Variants in LRRC4C observed in about 807,000 individuals in gnomAD.
LRRC4C encodes leucine-rich repeat-containing protein 4C.
A neutral mutation model predicts 33.6 loss-of-function variants in LRRC4C; 5 were observed. The ratio of observed to expected loss-of-function variants is 0.15; its 90% CI spans 0.08 to 0.31. The LOEUF (loss-of-function observed/expected upper bound fraction) is 0.31, where lower values mean the gene tolerates loss of function less well. LRRC4C is among the 10% of genes least tolerant of loss of function. LRRC4C has a pLI of 1.00. For missense variants in LRRC4C, 560 were observed against 796.7 expected (o/e 0.70, Z 3.58); for synonymous variants, 329 against 302.0 (o/e 1.09, Z -0.93).
chr11:40,746,624 C>A (rs1323507990), intron 2 of LRRC4C, among the ~76,000 whole-genome samples: 1 of 152,124 alleles, frequency 6.6e-6, no homozygotes, highest in African/African-American at 2.4e-5. Flanking sequence ...GCTGGTGCCC[C>A]ACACACCATC....
At chr11:40,717,441 T>C (rs1285478604) in intron 2 of LRRC4C, among the ~76,000 whole-genome samples, 1 of 152,202 alleles carries the variant, frequency 6.6e-6, no homozygotes, top group South Asian at 2.1e-4. Context: ...CTTTAAAATA[T>C]AAGCTTGATG....
chr11:40,489,670 G>A (rs1954047793), intron 3 of LRRC4C, among the ~76,000 whole-genome samples: 1 of 152,002 alleles, frequency 6.6e-6, no homozygotes, highest in African/African-American at 2.4e-5. Context: ...CACAATAAAT[G>A]GAACCCCCTT....
rs113603062 is a variant in LRRC4C at position 41,115,766 on chromosome 11, C to T, written c.-495-182043G>A. Among the ~76,000 whole-genome samples, 565 of 152,216 alleles carry T rather than the reference C, an allele frequency of 3.7e-3. 3 individuals are homozygous for T. The highest frequency in any genetic ancestry group is 0.013 in the African/African-American group (533 of 41,554). On this transcript the variant is annotated intron_variant, in intron 1 of 6. Transcript: ENST00000528697. ...AGGATCTCCCCGGATTGTGCACTAA[C>T]ATTGTCCTTGTCAGTCTCCCGCAAC...
intron 5 of LRRC4C, among the ~76,000 whole-genome samples, chr11:40,216,917 T>A (rs910578787): frequency 6.6e-6 from 1 of 152,110 alleles, no homozygotes; most frequent in Non-Finnish European, 1.5e-5. Context: ...TCACAGAGCA[T>A]CTGAGGAAAT....
chr11:40,703,743 G>T (rs1946001629), intron 2 of LRRC4C, among the ~76,000 whole-genome samples: 1 of 152,162 alleles, frequency 6.6e-6, no homozygotes, highest in Admixed American at 6.5e-5. Context: ...TTTCATTCAA[G>T]CCTGGAGATG....
intron 4 of LRRC4C, among the ~76,000 whole-genome samples, chr11:40,307,214 C>T (rs950336717): frequency 1.3e-5 from 2 of 152,028 alleles, no homozygotes; most frequent in African/African-American, 4.8e-5. Flanking sequence ...ATTCTCTCCT[C>T]CCCACCGCTC....
chr11:41,375,977 G>T (rs921285968), intron 1 of LRRC4C, among the ~76,000 whole-genome samples: 1 of 151,484 alleles, frequency 6.6e-6, no homozygotes, highest in African/African-American at 2.4e-5. Flanking sequence ...GTGAAGACTT[G>T]GTATGAAAGA....
chr11:40,336,244 C>T (rs1348065254), intron 3 of LRRC4C, among the ~76,000 whole-genome samples: 1 of 152,056 alleles, frequency 6.6e-6, no homozygotes, highest in African/African-American at 2.4e-5. Context: ...CTTGACAGAC[C>T]GCGGAACTGC....
chr11:41,186,127 C>T (rs944238808), intron 1 of LRRC4C, among the ~76,000 whole-genome samples: 1 of 151,982 alleles, frequency 6.6e-6, no homozygotes, highest in Non-Finnish European at 1.5e-5. Flanking sequence ...AAAAAGAATG[C>T]TTAAAGTCTT....
chr11:41,353,560 A>G (rs2137592356), intron 1 of LRRC4C, among the ~76,000 whole-genome samples: 1 of 152,104 alleles, frequency 6.6e-6, no homozygotes, highest in South Asian at 2.1e-4. Flanking sequence ...CCTGGAAGTG[A>G]TAGAATTAAA....
chr11:41,076,855 A>T (rs1208971115), intron 1 of LRRC4C, among the ~76,000 whole-genome samples: 2 of 152,200 alleles, frequency 1.3e-5, no homozygotes, highest in Non-Finnish European at 2.9e-5. Context: ...AGAAGCCTGT[A>T]AAATCAAAAG....
rs917944193 is a variant in LRRC4C, at chr11:41,351,860, A to G, written c.-496+107571T>C. Among the ~76,000 whole-genome samples the G allele has an allele frequency of 2.6e-5, 4 of 152,354 alleles. No homozygotes were observed. In the East Asian group the frequency reaches 5.8e-4, roughly 22 times the overall value. On this transcript the variant is annotated intron_variant, in intron 1 of 6. Coordinates refer to ENST00000528697, the MANE Select transcript of LRRC4C (RefSeq NM_001258419.2). The stretch of plus-strand genomic sequence containing the variant: ...TTGTTACCATCAGACCTGCCATACA[A>G]GAGGTCCTTAAGGGAATGCTAAACA...
chr11:40,315,615 AC>A (rs1945538196), intron 4 of LRRC4C, among the ~76,000 whole-genome samples: 1 of 151,910 alleles, frequency 6.6e-6, no homozygotes, highest in African/African-American at 2.4e-5. Context: ...ACTATATAAC[AC>A]AGTCTATTTT....
At chr11:41,251,455 C>A (rs1317495745) in intron 1 of LRRC4C, among the ~76,000 whole-genome samples, 1 of 152,134 alleles carries the variant, frequency 6.6e-6, no homozygotes, top group Non-Finnish European at 1.5e-5. Flanking sequence ...AGTGTGTGTC[C>A]ATTGTCATTA....
chr11:40,641,126 G>A (rs1942098166), intron 3 of LRRC4C, among the ~76,000 whole-genome samples: 1 of 151,508 alleles, frequency 6.6e-6, no homozygotes, highest in African/African-American at 2.4e-5. Context: ...TTTATATTGA[G>A]TACTATATAG....
chr11:40,196,835 A>C (rs1186505657), intron 5 of LRRC4C, among the ~76,000 whole-genome samples: 1 of 152,198 alleles, frequency 6.6e-6, no homozygotes, highest in East Asian at 1.9e-4. Context: ...GATTCTTTGA[A>C]GCATAATTAT....
chr11:40,425,365 C>T (rs1273486201), intron 3 of LRRC4C, among the ~76,000 whole-genome samples: 1 of 152,278 alleles, frequency 6.6e-6, no homozygotes, highest in Admixed American at 6.5e-5. Context: ...CTTGCCAGGA[C>T]ACACTGAGAT....
At chr11:40,455,113 A>T (rs1952071291) in intron 3 of LRRC4C, among the ~76,000 whole-genome samples, 1 of 152,192 alleles carries the variant, frequency 6.6e-6, no homozygotes, top group South Asian at 2.1e-4. Context: ...GAAAAGAGTA[A>T]GTGAGCGCCA....
At chr11:40,535,317 A>AATAGAAAAAAGTATATAAAAAACTGG (rs2135343734) in intron 3 of LRRC4C, among the ~76,000 whole-genome samples, 1 of 152,314 alleles carries the variant, frequency 6.6e-6, no homozygotes, top group East Asian at 1.9e-4. Flanking sequence ...GAGAAATACT[A>AATAGAAAAAAGTATATAAAAAACTGG]ATAGAAAAAA....
Sources: allele counts gnomAD v4.1 joint callset (sites outside exome capture counted in the v4.1 genomes callset), GRCh38; gene constraint gnomAD v4.1.1; transcripts MANE v1.5; gene names NCBI Gene and HGNC (gene_info 2026-07-23, HGNC 2026-07-21).